SERPINB6: variants seen among roughly 807,000 people sequenced by gnomAD.
SERPINB6 encodes serpin B6.
SERPINB6 carries 16 observed loss-of-function variants against 26.1 expected under a neutral mutation model. That is an observed-to-expected ratio of 0.61 (90% CI 0.42 to 0.93). The LOEUF is 0.93. SERPINB6 is among the 40% of genes least tolerant of loss of function. The pLI is 0.00. For synonymous variants in SERPINB6, 174 were observed against 176.6 expected (o/e 0.99, Z 0.11); for missense variants, 420 against 478.0 (o/e 0.88, Z 1.13).
Position 2,953,045 on chromosome 6 carries a change from T to C in SERPINB6, c.572A>G (p.Lys191Arg). 1 of 1,614,238 alleles carries C rather than the reference T, an allele frequency of 6.2e-7. No homozygotes were observed. Among genetic ancestry groups the C allele is most frequent in the Non-Finnish European group, 8.5e-7 (1 of 1,180,036 alleles). The part of the protein sequence containing the change: ...NTEERLFKVS[K>R]NEEKPVQMMF... ...CTCCTGTCACGGCCCCTTACTCGCCTTGCTGACTTTAAACAGTCTCTCCTC... is the reference window on the plus strand; with the variant it reads ...CTCCTGTCACGGCCCCTTACTCGCCCTGCTGACTTTAAACAGTCTCTCCTC... Residue 191 changes from lysine to arginine, a missense_variant and splice_region_variant, in exon 5 of 7, where the codon AAG becomes AGG. Lys to Arg is a conservative substitution (Grantham distance 26, BLOSUM62 2). Transcript: ENST00000380539.
intron 5 of SERPINB6, among the ~76,000 whole-genome samples, chr6:2,951,402 TAA>T (rs1251893488): frequency 2.1e-5 from 3 of 139,992 alleles, no homozygotes; most frequent in African/African-American, 5.5e-5. Context: ...AAATAAAAAA[TAA>T]AAAAAAAAAA....
At chr6:2,959,107 G>A in intron 2 of SERPINB6, 61 bp downstream of exon 2, 2 of 1,597,556 alleles carry the variant, frequency 1.3e-6, no homozygotes, top group Non-Finnish European at 1.7e-6. Flanking sequence ...TTTGGGATTT[G>A]GAATAAGGAG....
intron 1 of SERPINB6, among the ~76,000 whole-genome samples, chr6:2,964,875 C>T (rs1405472367): frequency 6.6e-6 from 1 of 152,286 alleles, no homozygotes; most frequent in African/African-American, 2.4e-5. Context: ...CTCACGCTGT[C>T]GCCCAGGCTG....
At chr6:2,966,452 C>T (rs1057274801) in intron 1 of SERPINB6, 3 of 980,374 alleles carry the variant, frequency 3.1e-6, no homozygotes, top group Middle Eastern at 4.6e-4. Flanking sequence ...AGGAACTGGG[C>T]CACGCAGCAG....
rs1235008921 is a variant in SERPINB6 at position 2,954,903 on chromosome 6, G to A, written c.313-194C>T. The A allele has an allele frequency of 1.5e-5, 9 of 582,344 alleles. No homozygotes were observed. The East Asian group carries it at 2.7e-4, about 17-fold the overall frequency. 36.1% of individuals were successfully genotyped at this position (582,344 alleles called of 1,614,324 possible). ...TATTTAATCCTAGCTTAAAAACTAA[G>A]TCAAGGTCAGGTACTGTGGCTTACA... On this transcript the variant is annotated intron_variant, in intron 3 of 6. Coordinates refer to ENST00000380539, the MANE Select transcript of SERPINB6 (RefSeq NM_004568.6).
chr6:2,948,840 T>A lies in SERPINB6; in HGVS notation c.729+74A>T. ...CAGTGTTAAACGGCTGACCGCAAAGTAGGGACAGCAGCCACAGCAGACACC... is the reference window on the plus strand; with the variant it reads ...CAGTGTTAAACGGCTGACCGCAAAGAAGGGACAGCAGCCACAGCAGACACC... On this transcript the variant is annotated intron_variant, in intron 6 of 6. Transcript: ENST00000380539. This position sits in a 1 kb window ranked among gnomAD's most constrained non-coding sequence, Gnocchi z 5.0. 6.2e-7 allele frequency: 1 copy of A among 1,601,704 alleles called. No homozygotes were observed. Among genetic ancestry groups the A allele is most frequent in the South Asian group, 1.1e-5 (1 of 90,678 alleles).
chr6:2,955,738 C>T (rs1170852104), intron 2 of SERPINB6, 68 bp from the exon 3 acceptor site: 6 of 1,556,296 alleles, frequency 3.9e-6, no homozygotes, highest in Non-Finnish European at 5.3e-6. Flanking sequence ...TGGGGCAACC[C>T]CAAACTCAGC....
chr6:2,961,635 C>T (rs1439678029), intron 1 of SERPINB6, among the ~76,000 whole-genome samples: 1 of 152,212 alleles, frequency 6.6e-6, no homozygotes, highest in Non-Finnish European at 1.5e-5. Context: ...TGTCTCAGGA[C>T]TCAAAGCCAG....
At chr6:2,952,738 G>GA (rs987882330) in intron 5 of SERPINB6, among the ~76,000 whole-genome samples, 96 of 152,266 alleles carry the variant, frequency 6.3e-4, no homozygotes, top group African/African-American at 2.3e-3. Context: ...CCGCCAGAAA[G>GA]AAAGGAGTGG....
At chr6:2,951,991 G>A (rs1769864772) in intron 5 of SERPINB6, among the ~76,000 whole-genome samples, 2 of 152,162 alleles carry the variant, frequency 1.3e-5, no homozygotes, top group Admixed American at 1.3e-4. Context: ...TGGTGGAGCC[G>A]CCTCCCTGGG....
At chr6:2,955,189 C>CA (rs746942111) in intron 3 of SERPINB6, 31,108 of 173,436 alleles carry the variant, frequency 0.18, 1,744 homozygotes, top group African/African-American at 0.36. Flanking sequence ...GATTCTGTCT[C>CA]AAAAAAAAAA....
intron 1 of SERPINB6, chr6:2,961,779 AGGT>A: frequency 1.0e-6 from 1 of 969,760 alleles, no homozygotes; most frequent in Non-Finnish European, 1.2e-6. Flanking sequence ...AAAAAGACAG[AGGT>A]TAAGTACCAT....
chr6:2,949,166 C>G, intron 5 of SERPINB6, 97 bp from the exon 6 acceptor site: 4 of 1,356,560 alleles, frequency 2.9e-6, no homozygotes, highest in African/African-American at 1.4e-5. Flanking sequence ...GGGAGAAACG[C>G]AGCTCGGTTT....
In SERPINB6 at chr6:2,967,293, A is replaced by C; in HGVS notation, c.-11+4240T>G. 2 of 904,660 alleles carry C rather than the reference A, an allele frequency of 2.2e-6. No homozygotes were observed. Among genetic ancestry groups the C allele is most frequent in the Non-Finnish European group, 2.6e-6 (2 of 756,292 alleles). The allele number at this position is 904,660 out of a possible 1,614,324, so 56.0% of individuals were successfully genotyped here. Reference sequence around the variant, plus strand: ...ATACACCATGTACAAAAATCAACTCAAGATGGATTAAAGGCTTAGATGTAA... The same window carrying C: ...ATACACCATGTACAAAAATCAACTCCAGATGGATTAAAGGCTTAGATGTAA... On this transcript the variant is annotated intron_variant, in intron 1 of 6. Coordinates refer to ENST00000380539, the MANE Select transcript of SERPINB6 (RefSeq NM_004568.6). This position sits in a 1 kb window ranked among gnomAD's most constrained non-coding sequence, Gnocchi z 4.3.
chr6:2,959,233 T>C lies in SERPINB6; in HGVS notation c.100A>G (p.Met34Val), dbSNP rs145538358. 1.4e-4 allele frequency: 231 copies of C among 1,614,200 alleles called. 1 individual carries two copies. The African/African-American group carries it at 2.6e-3, about 18-fold the overall frequency. ...TAGACCATGGCCAGGGCACAGGACA[T>C]GCTCATGGGTGAGAAAAACACATTC... Reference protein sequence around the residue: ...SKNVFFSPMSMSCALAMVYMG... With the variant: ...SKNVFFSPMSVSCALAMVYMG... The change falls in exon 2 of 7, where the codon ATG becomes GTG. Residue 34 changes from methionine to valine, a missense_variant. Physicochemically the swap from Met to Val is conservative, Grantham distance 21 (BLOSUM62 1). Coordinates refer to ENST00000380539, the MANE Select transcript of SERPINB6 (RefSeq NM_004568.6).
intron 1 of SERPINB6, 91 bp from the exon 2 acceptor site, chr6:2,959,433 T>A: frequency 7.7e-7 from 1 of 1,303,144 alleles, no homozygotes; most frequent in Non-Finnish European, 1.1e-6. Flanking sequence ...GCCGATGCTG[T>A]GGTTCAGTGG....
chr6:2,966,351 C>T (rs1429011037), intron 1 of SERPINB6: 1 of 985,278 alleles, frequency 1.0e-6, no homozygotes, highest in Non-Finnish European at 1.2e-6. Flanking sequence ...TTCTAATTGG[C>T]TGGTGGGAAT....
Position 2,948,305 on chromosome 6 carries a change from G to C in SERPINB6, c.1124C>G (p.Ser375Cys), listed in dbSNP as rs747264946. Residue 375 changes from serine to cysteine, a missense_variant, in exon 7 of 7, where the codon TCT becomes TGT. Ser to Cys is a moderately radical substitution (Grantham distance 112, BLOSUM62 -1). Transcript: ENST00000380539. This position sits in a 1 kb window ranked among gnomAD's most constrained non-coding sequence, Gnocchi z 5.0. Reference sequence around the variant, plus strand: ...ACCAAGACTGCCCTGTCCTCACGGAGAGGAAAAGCGGCCGCAGAAGAGAAT... The same window carrying C: ...ACCAAGACTGCCCTGTCCTCACGGACAGGAAAAGCGGCCGCAGAAGAGAAT... ...NGILFCGRFS[S>C]P is the part of the protein sequence containing the mutation. The C allele has an allele frequency of 1.1e-5, 17 of 1,613,644 alleles. No homozygotes were observed. Among genetic ancestry groups the C allele is most frequent in the Non-Finnish European group, 1.4e-5 (17 of 1,179,974 alleles).
intron 2 of SERPINB6, among the ~76,000 whole-genome samples, chr6:2,958,394 C>G (rs1770725045): frequency 1.3e-5 from 2 of 152,188 alleles, no homozygotes. Flanking sequence ...CTCAACCCCT[C>G]TCAGGCGCGG....
Sources: gnomAD v4.1 joint callset for allele counts (sites outside exome capture counted in the v4.1 genomes callset) on GRCh38, gnomAD v4.1.1 for gene constraint, Gnocchi (gnomAD v3.1) non-coding constraint, MANE v1.5 for transcripts, NCBI Gene and HGNC (gene_info 2026-07-23, HGNC 2026-07-21) for gene names.